R3HDM4: variants seen among roughly 807,000 people sequenced by gnomAD.
R3HDM4 encodes the protein R3H domain containing 4, also known as R3H domain-containing protein 4.
Under a neutral mutation model 31.3 loss-of-function variants are expected in R3HDM4, and 30 were observed. That is an observed-to-expected ratio of 0.96 (90% CI 0.72 to 1.30). The LOEUF (loss-of-function observed/expected upper bound fraction) is 1.30. Among genes scored for constraint, R3HDM4 ranks in the 50% most tolerant of loss-of-function variants. The pLI is 0.00. For missense variants in R3HDM4, 444 were observed against 366.1 expected (o/e 1.21, Z -1.74); for synonymous variants, 196 against 156.6 (o/e 1.25, Z -1.88).
In R3HDM4 at chr19:899,829, G is replaced by A. The variant is rs1344192035; in HGVS notation, c.562-143C>T. ...CGTGAGGCTGCTTAAGTGTCTCTGAGGCCACCATGCCACCTCCTGCCTGTG... is the reference window on the plus strand; with the variant it reads ...CGTGAGGCTGCTTAAGTGTCTCTGAAGCCACCATGCCACCTCCTGCCTGTG... On this transcript the variant is annotated intron_variant, in intron 5 of 7. Transcript: ENST00000361574. This position sits in a 1 kb window ranked among gnomAD's most constrained non-coding sequence, Gnocchi z 6.8. 4 of 773,366 alleles carry A rather than the reference G, an allele frequency of 5.2e-6. No individual in the cohort carries two copies. Among genetic ancestry groups the A allele is most frequent in the African/African-American group, 3.5e-5 (2 of 56,708 alleles). 47.9% of individuals were successfully genotyped at this position (773,366 alleles called of 1,614,324 possible). A position where few individuals can be genotyped will look rare whatever the true frequency, so the allele number is the denominator to read the frequency against.
intron 1 of R3HDM4, among the ~76,000 whole-genome samples, chr19:903,894 C>CA (rs1009864420): frequency 4.3e-4 from 65 of 152,140 alleles, no homozygotes; most frequent in African/African-American, 1.4e-3. Context: ...ACTAAAAATA[C>CA]AAAAAAATTA....
At chr19:900,261 G>A (rs979780774) in intron 4 of R3HDM4, 115 bp from the exon 5 acceptor site, 4 of 751,112 alleles carry the variant, frequency 5.3e-6, no homozygotes, top group Non-Finnish European at 6.3e-6. Flanking sequence ...GGCCTCTCCT[G>A]CCCACCAAAC....
At position 911,424 on chromosome 19, in the gene R3HDM4, A is replaced by G. The variant is rs549827684; in HGVS notation, c.71+1663T>C. 7.2e-5 allele frequency among the ~76,000 whole-genome samples: 11 copies of G among 152,356 alleles called. No homozygotes were observed. The East Asian group carries it at 2.1e-3, about 29-fold the overall frequency. On this transcript the variant is annotated intron_variant, in intron 1 of 7. Transcript: ENST00000361574. ...GTGCCACTGCACTCCAGCCTGGGCGATAGAGCGAGACTCCGTCTCAAAATA... is the reference window on the plus strand; with the variant it reads ...GTGCCACTGCACTCCAGCCTGGGCGGTAGAGCGAGACTCCGTCTCAAAATA...
chr19:905,500 T>G (rs2036890896), intron 1 of R3HDM4, among the ~76,000 whole-genome samples: 1 of 115,746 alleles, frequency 8.6e-6, no homozygotes, highest in Non-Finnish European at 1.8e-5. Flanking sequence ...AGTGAAACTC[T>G]GTCTCAAAAA....
chr19:899,340 C>T lies in R3HDM4; in HGVS notation c.703+100G>A. The T allele has an allele frequency of 7.8e-7, 1 of 1,278,208 alleles. No individual in the cohort carries two copies. The highest frequency in any genetic ancestry group is 2.1e-4 in the Middle Eastern group (1 of 4,656). 79.2% of individuals were successfully genotyped at this position (1,278,208 alleles called of 1,614,324 possible). A position where few individuals can be genotyped will look rare whatever the true frequency, so the allele number is the denominator to read the frequency against. Reference sequence around the variant, plus strand: ...CCACTCCAGCCCCCTTCCCCACCTCCCCACCAAGCCCCACTCTGAGGAACC... The same window carrying T: ...CCACTCCAGCCCCCTTCCCCACCTCTCCACCAAGCCCCACTCTGAGGAACC... On this transcript the variant is annotated intron_variant, in intron 7 of 7. Transcript: ENST00000361574. The surrounding 1 kb of genome is among the most constrained non-coding windows in gnomAD (Gnocchi z 6.8).
In R3HDM4 at chr19:904,552, A is replaced by G. The variant is rs74835428; in HGVS notation, c.72-2422T>C. ...GTTGAGACAAGATTCACTCGAGGCA[A>G]GCTGGGCGCGGTGGCTCATGCCTGT... On this transcript the variant is annotated intron_variant, in intron 1 of 7. Transcript: ENST00000361574. Among the ~76,000 whole-genome samples the G allele has an allele frequency of 7.0e-4, 107 of 152,132 alleles. 2 individuals carry two copies. In the East Asian group the frequency reaches 0.02, roughly 29 times the overall value.
Position 913,008 on chromosome 19 carries a change from G to T in R3HDM4, c.71+79C>A. On this transcript the variant is annotated intron_variant, in intron 1 of 7. Coordinates refer to ENST00000361574, the MANE Select transcript of R3HDM4 (RefSeq NM_138774.4). This position sits in a 1 kb window ranked among gnomAD's most constrained non-coding sequence, Gnocchi z 5.0. ...GGGGAGGGAAGGGAAAGGAGGGGAG[G>T]GGAGGCGGGGAGAGGATCTCAGGGG... The T allele has an allele frequency of 2.1e-6, 1 of 483,316 alleles. No individual in the cohort carries two copies. The highest frequency in any genetic ancestry group is 6.0e-5 in the Admixed American group (1 of 16,696). The allele number at this position is 483,316 out of a possible 1,614,324, so 29.9% of individuals were successfully genotyped here. A position where few individuals can be genotyped will look rare whatever the true frequency, so the allele number is the denominator to read the frequency against.
intron 4 of R3HDM4, among the ~76,000 whole-genome samples, chr19:900,453 G>C (rs1459083376): frequency 6.8e-6 from 1 of 147,386 alleles, no homozygotes; most frequent in Non-Finnish European, 1.5e-5. Context: ...CTGCCATCCA[G>C]ATCCTGCCCC....
intron 1 of R3HDM4, among the ~76,000 whole-genome samples, chr19:909,750 C>G (rs1283723815): frequency 6.6e-6 from 1 of 151,754 alleles, no homozygotes; most frequent in East Asian, 2.0e-4. Flanking sequence ...GAGCTGAGAT[C>G]GCGCCACTGC....
chr19:905,847 G>A (rs1352016466), intron 1 of R3HDM4, among the ~76,000 whole-genome samples: 5 of 152,072 alleles, frequency 3.3e-5, no homozygotes, highest in African/African-American at 1.2e-4. Context: ...CCACCAATAG[G>A]GACCTGCAGG....
intron 7 of R3HDM4, 45 bp from the exon 8 acceptor site, chr19:897,585 C>T (rs760679723): frequency 1.3e-6 from 2 of 1,493,282 alleles, no homozygotes; most frequent in Non-Finnish European, 1.8e-6. Flanking sequence ...AATTTGGGAG[C>T]CGCGGCAGGT....
Position 901,526 on chromosome 19 carries a change from G to T in R3HDM4, c.247C>A (p.Leu83Met). The T allele has an allele frequency of 6.2e-7, 1 of 1,607,112 alleles. No individual in the cohort carries two copies. Among genetic ancestry groups the T allele is most frequent in the Non-Finnish European group, 8.5e-7 (1 of 1,179,776 alleles). Residue 83 changes from leucine (L) to methionine (M), a missense_variant, in exon 3 of 8, where the codon CTG becomes ATG. Physicochemically the swap from Leu to Met is conservative, Grantham distance 15. Coordinates refer to ENST00000361574, the MANE Select transcript of R3HDM4 (RefSeq NM_138774.4). ...LENTQYLLTL[L>M]ETDGGLPGLE... Reference sequence around the variant, plus strand: ...CCAGGCAGGCCCCCGTCTGTCTCCAGCAGGGTCAGGAGGTACTGGGCTAGG... The same window carrying T: ...CCAGGCAGGCCCCCGTCTGTCTCCATCAGGGTCAGGAGGTACTGGGCTAGG...
chr19:901,676 TC>T, intron 2 of R3HDM4, 130 bp from the exon 3 acceptor site: 1 of 1,262,948 alleles, frequency 7.9e-7, no homozygotes, highest in Non-Finnish European at 1.1e-6. Context: ...CCAACTGTCT[TC>T]CCCAGAAGGT....
chr19:904,673 G>A (rs538224716), intron 1 of R3HDM4, among the ~76,000 whole-genome samples: 1 of 152,212 alleles, frequency 6.6e-6, no homozygotes, highest in East Asian at 1.9e-4. Context: ...CTGCTCAGGA[G>A]GCTGAGGAGG....
At chr19:902,852 G>A (rs2036854728) in intron 1 of R3HDM4, among the ~76,000 whole-genome samples, 1 of 152,068 alleles carries the variant, frequency 6.6e-6, no homozygotes, top group Non-Finnish European at 1.5e-5. Flanking sequence ...TGAAGTGAGA[G>A]AATCGCTTGA....
At position 913,163 on chromosome 19, in the gene R3HDM4, G is replaced by A. The variant is rs988774003; in HGVS notation, c.-6C>T. On this transcript the variant is annotated 5_prime_UTR_variant, in exon 1 of 8. Coordinates refer to ENST00000361574, the MANE Select transcript of R3HDM4 (RefSeq NM_138774.4). The surrounding 1 kb of genome is among the most constrained non-coding windows in gnomAD (Gnocchi z 5.0). The stretch of plus-strand genomic sequence containing the variant: ...GGGTTCTCCAGCGCGACCATGGCTC[G>A]CACGCTGTCGCCGCCGCCGCCGCCC... The A allele has an allele frequency of 4.7e-6, 5 of 1,068,178 alleles. 1 individual carries two copies. The highest frequency in any genetic ancestry group is 4.1e-5 in the South Asian group (1 of 24,508). The allele number at this position is 1,068,178 out of a possible 1,614,324, so 66.2% of individuals were successfully genotyped here.
chr19:902,188 G>C, intron 1 of R3HDM4, 58 bp from the exon 2 acceptor site: 1 of 1,592,394 alleles, frequency 6.3e-7, no homozygotes, highest in South Asian at 1.1e-5. Context: ...TCTCCGAGAA[G>C]GGCCCTACCA....
chr19:899,335 ACC>A lies in R3HDM4; in HGVS notation c.703+103_703+104del. On this transcript the variant is annotated intron_variant, in intron 7 of 7. Coordinates refer to ENST00000361574, the MANE Select transcript of R3HDM4 (RefSeq NM_138774.4). This position sits in a 1 kb window ranked among gnomAD's most constrained non-coding sequence, Gnocchi z 6.8. ...CGTCCCCACTCCAGCCCCCTTCCCC[ACC>A]TCCCCACCAAGCCCCACTCTGAGGA... 1 of 1,075,458 alleles carries A rather than the reference ACC, an allele frequency of 9.3e-7. No individual in the cohort carries two copies. The allele number at this position is 1,075,458 out of a possible 1,614,324, so 66.6% of individuals were successfully genotyped here. A position where few individuals can be genotyped will look rare whatever the true frequency, so the allele number is the denominator to read the frequency against.
Position 897,420 on chromosome 19 carries a change from T to C in R3HDM4, c.*17A>G, listed in dbSNP as rs1359217106. On this transcript the variant is annotated 3_prime_UTR_variant, in exon 8 of 8. Coordinates refer to ENST00000361574, the MANE Select transcript of R3HDM4 (RefSeq NM_138774.4). ...ATGGCTGGGCGAGGTGGCAGCGGGG[T>C]CTCCGCGGGGCCGCCATCAGCTGTG... 15 of 1,560,644 alleles carry C rather than the reference T, an allele frequency of 9.6e-6. No individual in the cohort carries two copies. The highest frequency in any genetic ancestry group is 1.3e-5 in the Non-Finnish European group (15 of 1,150,250).
Sources: gnomAD v4.1 joint callset for allele counts (sites outside exome capture counted in the v4.1 genomes callset) on GRCh38, gnomAD v4.1.1 for gene constraint, Gnocchi (gnomAD v3.1) non-coding constraint, MANE v1.5 for transcripts, NCBI Gene and HGNC (gene_info 2026-07-23, HGNC 2026-07-21) for gene names.